The following C12orf42 variants were observed in gnomAD, a reference collection of about 807,000 sequenced individuals.
The protein encoded by C12orf42 is chromosome 12 open reading frame 42.
C12orf42 carries 25 observed loss-of-function variants against 21.6 expected under a neutral mutation model. That is an observed-to-expected ratio of 1.16 (90% confidence interval 0.84 to 1.62). The LOEUF (loss-of-function observed/expected upper bound fraction) is 1.62. Ranked by LOEUF, C12orf42 falls within the 40% of genes most tolerant of loss-of-function variation. The pLI is 0.00. For missense variants in C12orf42, 483 were observed against 459.3 expected (o/e 1.05, Z -0.47); for synonymous variants, 174 against 175.0 (o/e 0.99, Z 0.05).
At chr12:103,421,430 T>C (rs1441597280) in intron 2 of C12orf42, among the ~76,000 whole-genome samples, 2 of 151,822 alleles carry the variant, frequency 1.3e-5, no homozygotes, top group African/African-American at 4.8e-5. Context: ...AAATATTACC[T>C]GAGTGTGGTG....
downstream of C12orf42, among the ~76,000 whole-genome samples, chr12:103,267,385 G>C (rs1345508980): frequency 6.6e-6 from 1 of 151,736 alleles, no homozygotes; most frequent in Non-Finnish European, 1.5e-5. Flanking sequence ...CAGTAATCTA[G>C]GTAAGCATCA....
At chr12:103,192,490 G>A in the C12orf42 span, among the ~76,000 whole-genome samples, 9 of 136,262 alleles carry the variant, frequency 6.6e-5, no homozygotes, top group African/African-American at 1.9e-4. Flanking sequence ...GTAACAGAGC[G>A]AGACTCCATC....
chr12:103,439,510 T>C (rs990670418), intron 2 of C12orf42, among the ~76,000 whole-genome samples: 3 of 80,226 alleles, frequency 3.7e-5, no homozygotes, highest in African/African-American at 9.2e-5. Context: ...CCTACTCATC[T>C]GACAAAGAGC....
intron 4 of C12orf42, among the ~76,000 whole-genome samples, chr12:103,366,527 A>T (rs1031066384): frequency 6.6e-6 from 1 of 152,160 alleles, no homozygotes; most frequent in African/African-American, 2.4e-5. Context: ...GTAAACAGAC[A>T]ACCCACAGAA....
chr12:103,251,952 A>G (rs779523706), intron 10 of C12orf42, among the ~76,000 whole-genome samples: 1 of 152,120 alleles, frequency 6.6e-6, no homozygotes, highest in Non-Finnish European at 1.5e-5. Context: ...TTGATAAACA[A>G]TTTATTTTAT....
chr12:103,223,633 T>G, the C12orf42 span, among the ~76,000 whole-genome samples: 1 of 152,044 alleles, frequency 6.6e-6, no homozygotes, highest in African/African-American at 2.4e-5. Context: ...AGCAGGGCAT[T>G]TATGAGTAGT....
At chr12:103,387,267 A>G (rs189853025) in intron 3 of C12orf42, among the ~76,000 whole-genome samples, 5 of 152,098 alleles carry the variant, frequency 3.3e-5, no homozygotes, top group African/African-American at 9.6e-5. Context: ...CTCCCTGGAC[A>G]CACTTCCTCC....
the C12orf42 span, among the ~76,000 whole-genome samples, chr12:103,534,225 TGTGTAGAG>T: frequency 6.6e-6 from 1 of 152,254 alleles, no homozygotes; most frequent in Non-Finnish European, 1.5e-5. Context: ...TGCCAATCGC[TGTGTAGAG>T]GTAGAGTTAA....
chr12:103,129,179 G>A, the C12orf42 span, among the ~76,000 whole-genome samples: 17 of 152,280 alleles, frequency 1.1e-4, no homozygotes, highest in South Asian at 1.0e-3. Context: ...CTGAACTGTG[G>A]ACTAGAGGGT....
At chr12:103,309,162 A>G (rs1056857073) in intron 4 of C12orf42, among the ~76,000 whole-genome samples, 1 of 152,216 alleles carries the variant, frequency 6.6e-6, no homozygotes, top group African/African-American at 2.4e-5. Flanking sequence ...ACTCCAATGT[A>G]CACATGTTGT....
intron 4 of C12orf42, among the ~76,000 whole-genome samples, chr12:103,279,807 A>G (rs2136301620): frequency 6.6e-6 from 1 of 152,340 alleles, no homozygotes; most frequent in South Asian, 2.1e-4. Flanking sequence ...GTGTTGAAAG[A>G]TGGGACACCA....
chr12:103,131,551 C>T, the C12orf42 span, among the ~76,000 whole-genome samples: 3 of 152,196 alleles, frequency 2.0e-5, no homozygotes, highest in Admixed American at 2.0e-4. Context: ...AGCCCCATAT[C>T]TCTTCGAACT....
At chr12:103,245,456 T>C (rs542450376) in intron 10 of C12orf42, among the ~76,000 whole-genome samples, 1 of 152,228 alleles carries the variant, frequency 6.6e-6, no homozygotes, top group Non-Finnish European at 1.5e-5. Context: ...AATTAACTTT[T>C]CTGAGCTTCA....
chr12:103,369,597 T>G, intron 3 of C12orf42, among the ~76,000 whole-genome samples: 1 of 145,446 alleles, frequency 6.9e-6, no homozygotes, highest in African/African-American at 2.5e-5. Flanking sequence ...GGTCAGAAGG[T>G]GGGGGAGAGG....
the C12orf42 span, among the ~76,000 whole-genome samples, chr12:103,157,946 TG>T: frequency 6.6e-6 from 1 of 152,248 alleles, no homozygotes; most frequent in African/African-American, 2.4e-5. Context: ...CATATAATTC[TG>T]TTATACTCTG....
chr12:103,226,431 G>A, the C12orf42 span, among the ~76,000 whole-genome samples: 9 of 152,118 alleles, frequency 5.9e-5, no homozygotes, highest in African/African-American at 1.9e-4. Flanking sequence ...AGGGTCTAGG[G>A]CTGTAAAGCA....
chr12:103,315,971 T>C (rs1026720799), intron 4 of C12orf42, among the ~76,000 whole-genome samples: 4 of 150,236 alleles, frequency 2.7e-5, no homozygotes, highest in Non-Finnish European at 5.9e-5. Context: ...CTTCACACTA[T>C]AGATATATAT....
chr12:103,088,350 G>A, the C12orf42 span, among the ~76,000 whole-genome samples: 13 of 152,298 alleles, frequency 8.5e-5, no homozygotes, highest in South Asian at 4.2e-4. Context: ...TAAGAAATAG[G>A]GGACTTCTAT....
chr12:103,182,468 A>C, the C12orf42 span, among the ~76,000 whole-genome samples: 1 of 152,194 alleles, frequency 6.6e-6, no homozygotes, highest in Non-Finnish European at 1.5e-5. Flanking sequence ...TGGTAAGGTC[A>C]AGAGAACAGT....
Sources: allele counts gnomAD v4.1 joint callset (sites outside exome capture counted in the v4.1 genomes callset), GRCh38; gene constraint gnomAD v4.1.1; transcripts MANE v1.5; gene names NCBI Gene and HGNC (gene_info 2026-07-23, HGNC 2026-07-21).